KDM4C: variants seen among roughly 807,000 people sequenced by gnomAD.
The protein encoded by KDM4C is lysine-specific demethylase 4C.
KDM4C carries 81 observed loss-of-function variants against 129.3 expected under a neutral mutation model. The observed-to-expected ratio is 0.63, with a 90% CI of 0.52 to 0.75. The LOEUF (loss-of-function observed/expected upper bound fraction) is 0.75. KDM4C is among the 30% of genes least tolerant of loss of function. The pLI, the probability that KDM4C is intolerant of heterozygous loss-of-function variation, is 0.00. For synonymous variants in KDM4C, 573 were observed against 456.1 expected (o/e 1.26, Z -3.26); for missense variants, 1,457 against 1,304.0 (o/e 1.12, Z -1.81).
intron 9 of KDM4C, chr9:6,982,714 G>C (rs1252967687): frequency 3.9e-5 from 6 of 152,206 alleles, no homozygotes; most frequent in Admixed American, 6.5e-5. Context: ...GCATTGTTCT[G>C]TCATGGATGG....
chr9:6,836,999 G>A (rs546878560), intron 4 of KDM4C, among the ~76,000 whole-genome samples: 2 of 152,222 alleles, frequency 1.3e-5, no homozygotes, highest in East Asian at 3.9e-4. Context: ...AACTTTACCA[G>A]ATACTGTTGA....
chr9:6,911,079 A>G (rs936368128), intron 8 of KDM4C, among the ~76,000 whole-genome samples: 3 of 152,156 alleles, frequency 2.0e-5, no homozygotes, highest in African/African-American at 7.2e-5. Flanking sequence ...ATTTTAAAAT[A>G]TTTCTATAGC....
At chr9:6,984,472 G>C (rs1309473265) in intron 10 of KDM4C, 68 bp downstream of exon 10, 1 of 1,008,954 alleles carries the variant, frequency 9.9e-7, no homozygotes, top group Non-Finnish European at 1.5e-6. Flanking sequence ...GTCTTAAATG[G>C]ATGTTCACTA....
chr9:7,116,779 A>G (rs1292042859), intron 18 of KDM4C, among the ~76,000 whole-genome samples: 2 of 152,192 alleles, frequency 1.3e-5, no homozygotes, highest in Non-Finnish European at 2.9e-5. Flanking sequence ...CCTGAAGTCC[A>G]GAGAAACCTA....
chr9:6,907,553 C>T (rs1442163334), intron 8 of KDM4C, among the ~76,000 whole-genome samples: 1 of 152,050 alleles, frequency 6.6e-6, no homozygotes, highest in Non-Finnish European at 1.5e-5. Context: ...TAACTTGTAG[C>T]CAAAACTTTA....
intron 5 of KDM4C, among the ~76,000 whole-genome samples, chr9:6,855,711 G>C (rs1839688067): frequency 6.6e-6 from 1 of 151,960 alleles, no homozygotes; most frequent in Admixed American, 6.6e-5. Context: ...GAGAGAAGCT[G>C]CTTACTTACA....
At chr9:7,116,972 A>T (rs941374012) in intron 18 of KDM4C, among the ~76,000 whole-genome samples, 1 of 152,208 alleles carries the variant, frequency 6.6e-6, no homozygotes, top group South Asian at 2.1e-4. Flanking sequence ...TAACATTTGT[A>T]TAGTGTCTTT....
intron 2 of KDM4C, among the ~76,000 whole-genome samples, chr9:6,800,146 T>A (rs1828661393): frequency 6.6e-6 from 1 of 152,134 alleles, no homozygotes; most frequent in South Asian, 2.1e-4. Flanking sequence ...GGTGGGTGGA[T>A]CACTTGAGGC....
At chr9:6,959,819 C>T (rs542871581) in intron 8 of KDM4C, among the ~76,000 whole-genome samples, 5 of 152,060 alleles carry the variant, frequency 3.3e-5, no homozygotes, top group African/African-American at 4.8e-5. Context: ...AAGGAAATGC[C>T]TGTCAACTTA....
chr9:6,791,659 T>G (rs1236798788), intron 1 of KDM4C, among the ~76,000 whole-genome samples: 1 of 152,204 alleles, frequency 6.6e-6, no homozygotes, highest in Non-Finnish European at 1.5e-5. Flanking sequence ...CAGGTACGTA[T>G]GTGAGTGAGA....
chr9:6,727,342 T>A (rs1340080278), intron 1 of KDM4C: 1 of 151,646 alleles, frequency 6.6e-6, no homozygotes, highest in Non-Finnish European at 1.5e-5. Flanking sequence ...TCCCAGCTAC[T>A]TGGGAGGCTG....
chr9:7,027,412 T>C (rs183635828), intron 15 of KDM4C, among the ~76,000 whole-genome samples: 1 of 152,340 alleles, frequency 6.6e-6, no homozygotes, highest in Non-Finnish European at 1.5e-5. Flanking sequence ...TCTTGTTCTC[T>C]TCCCTTACTT....
At chr9:7,097,692 G>A (rs993171483) in intron 17 of KDM4C, among the ~76,000 whole-genome samples, 1 of 152,200 alleles carries the variant, frequency 6.6e-6, no homozygotes, top group African/African-American at 2.4e-5. Context: ...CAGTCCAATC[G>A]TCTCTTAAAT....
At chr9:6,776,497 C>T (rs975539914) in intron 1 of KDM4C, among the ~76,000 whole-genome samples, 2 of 152,036 alleles carry the variant, frequency 1.3e-5, no homozygotes. Context: ...CTCTTGACCT[C>T]CCAAAGTGCT....
rs535563347 is a variant in KDM4C at position 6,940,057 on chromosome 9, C to A, written c.922-40868C>A. On this transcript the variant is annotated intron_variant, in intron 8 of 21. Transcript: ENST00000381309. ...TCTTTCCTTCCTTCCCTCCTTCCCT[C>A]CTTCCCTCCTTCTCTCTCTCTCTTT... is the stretch of plus-strand genomic sequence containing the variant. Among the ~76,000 whole-genome samples the A allele has an allele frequency of 1.0e-3, 142 of 136,508 alleles. 4 individuals carry two copies. Among genetic ancestry groups the A allele is most frequent in the Non-Finnish European group, 2.0e-3 (122 of 59,882 alleles). 89.6% of individuals were successfully genotyped at this position (136,508 alleles called of 152,430 possible).
intron 21 of KDM4C, 29 bp downstream of exon 21, chr9:7,169,919 C>T: frequency 3.1e-6 from 5 of 1,613,286 alleles, no homozygotes; most frequent in Non-Finnish European, 4.2e-6. Flanking sequence ...CACTTGGGGA[C>T]CTGCCAAGTG....
chr9:7,136,746 C>G (rs1841249467), intron 19 of KDM4C, among the ~76,000 whole-genome samples: 5 of 152,150 alleles, frequency 3.3e-5, no homozygotes, highest in Admixed American at 3.3e-4. Context: ...CTTTGATTTA[C>G]AAACACTTTC....
chr9:6,740,055 A>C (rs924032634), intron 1 of KDM4C, among the ~76,000 whole-genome samples: 3 of 151,422 alleles, frequency 2.0e-5, no homozygotes, highest in Non-Finnish European at 4.4e-5. Context: ...ACACTCAGCT[A>C]ATTTTTGTAT....
intron 17 of KDM4C, among the ~76,000 whole-genome samples, chr9:7,083,271 A>T (rs1834743708): frequency 6.6e-6 from 1 of 152,232 alleles, no homozygotes; most frequent in Admixed American, 6.5e-5. Flanking sequence ...TAAATCTAAG[A>T]TCTGAAATAC....
Sources: allele counts gnomAD v4.1 joint callset (sites outside exome capture counted in the v4.1 genomes callset), GRCh38; gene constraint gnomAD v4.1.1; transcripts MANE v1.5; gene names NCBI Gene and HGNC (gene_info 2026-07-23, HGNC 2026-07-21).